Variants in DDX60 observed in about 807,000 individuals in gnomAD.
DDX60 encodes DExD/H-box helicase 60.
DDX60 carries 165 observed loss-of-function variants against 212.8 expected under a neutral mutation model. The observed-to-expected ratio is 0.78, with a 90% CI of 0.68 to 0.88. The LOEUF is 0.88. Among genes scored for constraint, DDX60 ranks in the 40% least tolerant of loss-of-function variants. DDX60 has a pLI of 0.00. For synonymous variants in DDX60, 703 were observed against 685.3 expected (o/e 1.03, Z -0.40); for missense variants, 1,905 against 2,003.9 (o/e 0.95, Z 0.94).
chr4:168,265,250 C>T (rs1734793134), intron 22 of DDX60, among the ~76,000 whole-genome samples: 1 of 152,154 alleles, frequency 6.6e-6, no homozygotes, highest in Non-Finnish European at 1.5e-5. Flanking sequence ...GAGGAAAGGA[C>T]CCAGGTGGAT....
At chr4:168,229,381 C>A (rs1733368333) in intron 33 of DDX60, among the ~76,000 whole-genome samples, 1 of 152,104 alleles carries the variant, frequency 6.6e-6, no homozygotes, top group African/African-American at 2.4e-5. Flanking sequence ...CCGTTTCTGA[C>A]TTTGTCTCAC....
intron 30 of DDX60, among the ~76,000 whole-genome samples, chr4:168,243,110 T>C (rs981059683): frequency 1.8e-4 from 28 of 152,344 alleles, no homozygotes; most frequent in African/African-American, 6.5e-4. Context: ...GCCATGATTG[T>C]GAGGCCTCCC....
rs1560807868 is a variant in DDX60, at chr4:168,221,764, G to A, written c.4942C>T (p.His1648Tyr). The A allele has an allele frequency of 2.5e-6, 4 of 1,613,000 alleles. No homozygotes were observed. The Admixed American group carries it at 5.0e-5, about 20-fold the overall frequency. ...TGGACTAATCCTATCAAGGAACCATGTTTGTAGAAATCCAGTGCATAGGCA... is the reference window on the plus strand; with the variant it reads ...TGGACTAATCCTATCAAGGAACCATATTTGTAGAAATCCAGTGCATAGGCA... Reference protein sequence around the residue: ...LNAYALDFYKHGSLIGLVQDN... With the variant: ...LNAYALDFYKYGSLIGLVQDN... Residue 1648 changes from histidine to tyrosine, a missense_variant, in exon 36 of 38, where the codon CAT becomes TAT. Transcript: ENST00000393743.
intron 30 of DDX60, 60 bp downstream of exon 30, chr4:168,246,358 A>G: frequency 6.3e-7 from 1 of 1,591,596 alleles, no homozygotes; most frequent in South Asian, 1.1e-5. Flanking sequence ...AGAACAGCAG[A>G]CCTGACTAAA....
Position 168,308,092 on chromosome 4 carries a change from G to T in DDX60, c.178C>A (p.Gln60Lys), listed in dbSNP as rs748913793. ...CICEISFKPG[Q>K]NLHFFYLVER... ...ACCAGATAGAAGAAATGGAGGTTCT[G>T]CCCAGGCTTAAATGATATCTCACAG... The change falls in exon 4 of 38, where the codon CAG becomes AAG. Residue 60 changes from glutamine to lysine, a missense_variant. Gln to Lys is a moderately conservative substitution (Grantham distance 53, BLOSUM62 1). Coordinates refer to ENST00000393743, the MANE Select transcript of DDX60 (RefSeq NM_017631.6). 3.1e-6 allele frequency: 5 copies of T among 1,611,924 alleles called. No individual in the cohort carries two copies. The highest frequency in any genetic ancestry group is 4.2e-6 in the Non-Finnish European group (5 of 1,179,154).
chr4:168,232,829 G>A (rs998459008), intron 33 of DDX60, among the ~76,000 whole-genome samples: 6 of 151,992 alleles, frequency 3.9e-5, no homozygotes, highest in Admixed American at 6.6e-5. Context: ...GAACCCAAAA[G>A]CAAATGCAAC....
Position 168,220,171 on chromosome 4 carries a change from A to G in DDX60, c.5039+484T>C, listed in dbSNP as rs149969613. Among the ~76,000 whole-genome samples the G allele has an allele frequency of 7.9e-5, 12 of 152,270 alleles. No homozygotes were observed. The East Asian group carries it at 2.3e-3, about 29-fold the overall frequency. Reference sequence around the variant, plus strand: ...CCCACTAGGTTTTGTTAAAGGTGAAAATAGGAGGCCAATATGAAAGATCAG... The same window carrying G: ...CCCACTAGGTTTTGTTAAAGGTGAAGATAGGAGGCCAATATGAAAGATCAG... On this transcript the variant is annotated intron_variant, in intron 37 of 37. Coordinates refer to ENST00000393743, the MANE Select transcript of DDX60 (RefSeq NM_017631.6).
At chr4:168,235,878 A>T (rs901044211) in intron 33 of DDX60, among the ~76,000 whole-genome samples, 1 of 152,072 alleles carries the variant, frequency 6.6e-6, no homozygotes, top group African/African-American at 2.4e-5. Context: ...CTTCCCTTCC[A>T]TAGTTCTACC....
intron 33 of DDX60, among the ~76,000 whole-genome samples, chr4:168,227,182 C>T (rs1733286832): frequency 6.7e-6 from 1 of 149,850 alleles, no homozygotes; most frequent in Admixed American, 6.7e-5. Context: ...GTGAAGCCAT[C>T]TGAGCCTTGG....
intron 35 of DDX60, among the ~76,000 whole-genome samples, chr4:168,222,979 G>T (rs1454126216): frequency 6.6e-6 from 1 of 152,016 alleles, no homozygotes; most frequent in Admixed American, 6.6e-5. Flanking sequence ...GAACCTTAAG[G>T]CATAGCACTG....
chr4:168,290,696 G>A (rs1036064645), intron 8 of DDX60, among the ~76,000 whole-genome samples: 4 of 152,112 alleles, frequency 2.6e-5, no homozygotes, highest in Admixed American at 2.0e-4. Flanking sequence ...TTCAGACTAC[G>A]TTGGATCTTT....
intron 30 of DDX60, among the ~76,000 whole-genome samples, chr4:168,246,025 T>A (rs1578993910): frequency 6.6e-6 from 1 of 152,210 alleles, no homozygotes; most frequent in African/African-American, 2.4e-5. Context: ...ACTTTTTTTA[T>A]GAAACACTTA....
At chr4:168,233,905 A>G (rs988014082) in intron 33 of DDX60, among the ~76,000 whole-genome samples, 1 of 152,150 alleles carries the variant, frequency 6.6e-6, no homozygotes, top group Non-Finnish European at 1.5e-5. Context: ...CCGGAAAAGT[A>G]TCTTTGATAT....
intron 30 of DDX60, among the ~76,000 whole-genome samples, chr4:168,239,619 G>T (rs899040652): frequency 6.6e-6 from 1 of 152,094 alleles, no homozygotes; most frequent in Non-Finnish European, 1.5e-5. Context: ...TAATGTTAGA[G>T]CAAAGAATTT....
intron 10 of DDX60, among the ~76,000 whole-genome samples, chr4:168,285,857 ATAGG>A (rs1326410784): frequency 2.7e-5 from 4 of 146,924 alleles, no homozygotes; most frequent in East Asian, 4.3e-4. Flanking sequence ...GATAAATCAG[ATAGG>A]TAGGTAGATG....
intron 30 of DDX60, 111 bp from the exon 31 acceptor site, chr4:168,237,906 A>C: frequency 1.4e-6 from 1 of 734,268 alleles, no homozygotes; most frequent in South Asian, 3.0e-5. Flanking sequence ...GATATCAGAA[A>C]TGTATCAGAA....
At chr4:168,283,385 A>G (rs1169920311) in intron 13 of DDX60, 61 bp downstream of exon 13, 3 of 1,468,568 alleles carry the variant, frequency 2.0e-6, no homozygotes, top group South Asian at 1.2e-5. Context: ...GGGATAACAC[A>G]TATCAACCTG....
At chr4:168,315,118 T>C (rs1380727691) in intron 1 of DDX60, among the ~76,000 whole-genome samples, 2 of 152,170 alleles carry the variant, frequency 1.3e-5, no homozygotes, top group Non-Finnish European at 2.9e-5. Context: ...CATCTCTGAG[T>C]TTCAATTTAC....
chr4:168,290,494 AC>A (rs1736045132), intron 8 of DDX60, among the ~76,000 whole-genome samples: 1 of 151,322 alleles, frequency 6.6e-6, no homozygotes, highest in African/African-American at 2.4e-5. Context: ...ATGCCTGGCT[AC>A]TTTTTATTTT....
Sources: gnomAD v4.1 joint callset for allele counts (sites outside exome capture counted in the v4.1 genomes callset) on GRCh38, gnomAD v4.1.1 for gene constraint, MANE v1.5 for transcripts, NCBI Gene and HGNC (gene_info 2026-07-23, HGNC 2026-07-21) for gene names.